Variants in LRP4 observed in about 807,000 individuals in gnomAD.
LRP4 encodes the protein LDL receptor related protein 4.
A neutral mutation model predicts 220.3 loss-of-function variants in LRP4; 95 were observed. The ratio of observed to expected loss-of-function variants is 0.43; its 90% CI spans 0.37 to 0.51. The LOEUF (loss-of-function observed/expected upper bound fraction) is 0.51, where lower values mean the gene tolerates loss of function less well. Among genes scored for constraint, LRP4 ranks in the 20% least tolerant of loss-of-function variants. LRP4 has a pLI of 0.00. For missense variants in LRP4, 1,925 were observed against 2,567.0 expected, an observed-to-expected ratio of 0.75 and a Z score of 5.40; for synonymous variants, 903 against 954.6, an observed-to-expected ratio of 0.95 and a Z score of 1.00.
intron 35 of LRP4, 60 bp downstream of exon 35, chr11:46,865,059 A>G: frequency 7.3e-7 from 1 of 1,367,254 alleles, no homozygotes; most frequent in Non-Finnish European, 1.0e-6. Context: ...GAAAGATATC[A>G]GTGGAGACTT....
intron 22 of LRP4, 36 bp downstream of exon 22, chr11:46,878,871 A>T: frequency 6.2e-7 from 1 of 1,613,430 alleles, no homozygotes; most frequent in African/African-American, 1.3e-5. Context: ...CCCCTCCCAG[A>T]GAGGCTGCAT....
intron 8 of LRP4, among the ~76,000 whole-genome samples, 155 bp downstream of exon 8, chr11:46,896,714 T>G (rs1011199887): frequency 9.2e-5 from 14 of 152,222 alleles, no homozygotes; most frequent in Non-Finnish European, 1.6e-4. Flanking sequence ...GCTCTGATAC[T>G]GTGCTCCAGG....
intron 36 of LRP4, among the ~76,000 whole-genome samples, chr11:46,863,102 C>G (rs1940601407): frequency 6.6e-6 from 1 of 152,092 alleles, no homozygotes. Flanking sequence ...ATGAGGAAGG[C>G]CTCCAGCCAA....
chr11:46,859,008 T>G lies in LRP4; in HGVS notation c.5693A>C (p.Lys1898Thr). 3 of 1,614,112 alleles carry G rather than the reference T, an allele frequency of 1.9e-6. No individual in the cohort carries two copies. The highest frequency in any genetic ancestry group is 2.5e-6 in the Non-Finnish European group (3 of 1,180,010). Reference protein sequence around the residue: ...LPDTGWKHERKLSSESQV With the variant: ...LPDTGWKHERTLSSESQV ...TTAGACCTGGCTCTCTGAGGAGAGC[T>G]TGCGTTCATGTTTCCAGCCCGTGTC... Residue 1898 changes from lysine (K) to threonine (T), a missense_variant, in exon 38 of 38, where the codon AAG (lysine) becomes ACG (threonine). Lys to Thr is a moderately conservative substitution (Grantham distance 78, BLOSUM62 -1). Transcript: ENST00000378623.
At chr11:46,889,294 C>G (rs971654558) in intron 16 of LRP4, 117 bp downstream of exon 16, 52 of 1,376,964 alleles carry the variant, frequency 3.8e-5, no homozygotes, top group Admixed American at 8.4e-5. Flanking sequence ...CTCTCCAGGG[C>G]TCCCTGAGGA....
At chr11:46,892,943 G>T in intron 13 of LRP4, 30 bp downstream of exon 13, 1 of 1,610,692 alleles carries the variant, frequency 6.2e-7, no homozygotes, top group South Asian at 1.1e-5. Context: ...GAGGTTGCAA[G>T]AAAGTTCGGG....
At chr11:46,912,057 T>C (rs1199384837) in intron 1 of LRP4, among the ~76,000 whole-genome samples, 1 of 152,130 alleles carries the variant, frequency 6.6e-6, no homozygotes, top group Non-Finnish European at 1.5e-5. Context: ...TTTCACCATG[T>C]TGGCCAGGTT....
intron 13 of LRP4, among the ~76,000 whole-genome samples, chr11:46,892,541 G>A (rs1293628720): frequency 6.6e-6 from 1 of 151,712 alleles, no homozygotes; most frequent in East Asian, 1.9e-4. Context: ...AGTGTGTGGG[G>A]GACAGAGCCC....
rs1055303158 is a variant in LRP4, at chr11:46,899,290, G to A, written c.547+97C>T. On this transcript the variant is annotated intron_variant, in intron 5 of 37. Coordinates refer to ENST00000378623, the MANE Select transcript of LRP4 (RefSeq NM_002334.4). The surrounding 1 kb of genome is among the most constrained non-coding windows in gnomAD (Gnocchi z 5.9). Reference sequence around the variant, plus strand: ...TGCTGCTGAGGCACCCATGCTCCTTGCCCTTGGTACATGCACTCCTCAGCC... The same window carrying A: ...TGCTGCTGAGGCACCCATGCTCCTTACCCTTGGTACATGCACTCCTCAGCC... 4.5e-5 allele frequency: 47 copies of A among 1,055,468 alleles called. No homozygotes were observed. The highest frequency in any genetic ancestry group is 6.8e-5 in the Non-Finnish European group (46 of 676,282). 65.4% of individuals were successfully genotyped at this position (1,055,468 alleles called of 1,614,324 possible).
chr11:46,918,386 G>C lies in LRP4; in HGVS notation c.-7C>G, dbSNP rs1941985914. 1 of 1,431,664 alleles carries C rather than the reference G, an allele frequency of 7.0e-7. No individual in the cohort carries two copies. The allele number at this position is 1,431,664 out of a possible 1,614,324, so 88.7% of individuals were successfully genotyped here. A position where few individuals can be genotyped will look rare whatever the true frequency, so the allele number is the denominator to read the frequency against. On this transcript the variant is annotated 5_prime_UTR_variant, in exon 1 of 38. Transcript: ENST00000378623. The surrounding 1 kb of genome is among the most constrained non-coding windows in gnomAD (Gnocchi z 6.0). ...CGCCCCACTGCCGCCTCATGGTGCC[G>C]CCCGCGCCGCTCGCCCGGGGTCCCG...
At chr11:46,880,634 A>G (rs1342657792) in intron 20 of LRP4, among the ~76,000 whole-genome samples, 3 of 152,056 alleles carry the variant, frequency 2.0e-5, no homozygotes, top group African/African-American at 7.2e-5. Flanking sequence ...AAATAAATAA[A>G]TAAAAATTAA....
Position 46,859,246 on chromosome 11 carries a change from C to A in LRP4, c.5455G>T (p.Asp1819Tyr), listed in dbSNP as rs770188065. ...TTGAGGTCATCCCACTCAGCATCAT[C>A]CCCAGACAGGAGGCAGATTCCCTCT... ...IVEGICLLSG[D>Y]DAEWDDLKQL... The change falls in exon 38 of 38, where the codon GAT (aspartate) becomes TAT (tyrosine). Residue 1819 changes from aspartate to tyrosine, a missense_variant. Transcript: ENST00000378623. The A allele has an allele frequency of 1.2e-6, 2 of 1,614,094 alleles. No individual in the cohort carries two copies. Among genetic ancestry groups the A allele is most frequent in the Middle Eastern group, 3.3e-4 (2 of 6,062 alleles).
chr11:46,901,560 C>T (rs1459272633), intron 2 of LRP4, among the ~76,000 whole-genome samples: 1 of 152,122 alleles, frequency 6.6e-6, no homozygotes, highest in Non-Finnish European at 1.5e-5. Flanking sequence ...TACCTCCGTT[C>T]CCATTAGACT....
chr11:46,890,577 T>C lies in LRP4; in HGVS notation c.1698-83A>G. On this transcript the variant is annotated intron_variant, in intron 13 of 37. Transcript: ENST00000378623. This position sits in a 1 kb window ranked among gnomAD's most constrained non-coding sequence, Gnocchi z 5.3. ...AGAATAATCAGGTAGGGCGCTTTTA[T>C]CCATTTAACTCAGGGGACTCCAATG... is the stretch of plus-strand genomic sequence containing the variant. 1.1e-6 allele frequency: 1 copy of C among 932,648 alleles called. No homozygotes were observed. The highest frequency in any genetic ancestry group is 2.6e-5 in the East Asian group (1 of 38,872). 57.8% of individuals were successfully genotyped at this position (932,648 alleles called of 1,614,324 possible).
intron 36 of LRP4, chr11:46,862,964 T>A: frequency 1.7e-6 from 1 of 573,536 alleles, no homozygotes; most frequent in Admixed American, 2.9e-5. Flanking sequence ...GGCTACTAGA[T>A]TAGGTTACCA....
rs764717515 is a variant in LRP4 at position 46,883,138 on chromosome 11, A to G, written c.2612+733T>C. Among the ~76,000 whole-genome samples, 8 of 152,362 alleles carry G rather than the reference A, an allele frequency of 5.3e-5. No individual in the cohort carries two copies. In the South Asian group the frequency reaches 6.2e-4, roughly 12 times the overall value. ...AACAATGAGTTACTTTTGCAAGTAA[A>G]CCAACAATAAAAAAAAGATAAGGAA... On this transcript the variant is annotated intron_variant, in intron 19 of 37. Coordinates refer to ENST00000378623, the MANE Select transcript of LRP4 (RefSeq NM_002334.4).
At chr11:46,901,076 G>C (rs186995101) in intron 2 of LRP4, among the ~76,000 whole-genome samples, 2 of 152,112 alleles carry the variant, frequency 1.3e-5, no homozygotes, top group Non-Finnish European at 1.5e-5. Flanking sequence ...GATTACAGGC[G>C]TGAGCCACCA....
chr11:46,898,739 AG>A, intron 6 of LRP4, 62 bp from the exon 7 acceptor site: 1 of 1,611,180 alleles, frequency 6.2e-7, no homozygotes, highest in Non-Finnish European at 8.5e-7. Flanking sequence ...GCAGACTAGA[AG>A]GCCACAGCCC....
rs1941406531 is a variant in LRP4 at position 46,890,771 on chromosome 11, T to G, written c.1698-277A>C. Among the ~76,000 whole-genome samples, 1 of 152,024 alleles carries G rather than the reference T, an allele frequency of 6.6e-6. No individual in the cohort carries two copies. Among genetic ancestry groups the G allele is most frequent in the East Asian group, 1.9e-4 (1 of 5,178 alleles). On this transcript the variant is annotated intron_variant, in intron 13 of 37. Transcript: ENST00000378623. The surrounding 1 kb of genome is among the most constrained non-coding windows in gnomAD (Gnocchi z 5.3). ...TCGCTACACCTAACTAATTTTTTTT[T>G]GTAGTAGAGATGAGGTCTTGCTATG...
Sources: gnomAD v4.1 joint callset for allele counts (sites outside exome capture counted in the v4.1 genomes callset) on GRCh38, gnomAD v4.1.1 for gene constraint, Gnocchi (gnomAD v3.1) non-coding constraint, MANE v1.5 for transcripts, NCBI Gene and HGNC (gene_info 2026-07-23, HGNC 2026-07-21) for gene names.